TMEM108: variants seen among roughly 807,000 people sequenced by gnomAD.
TMEM108 encodes the protein transmembrane protein 108.
Under a neutral mutation model 35.1 loss-of-function variants are expected in TMEM108, and 12 were observed. That is an observed-to-expected ratio of 0.34 (90% CI 0.22 to 0.55). The LOEUF (loss-of-function observed/expected upper bound fraction) is 0.55, where lower values mean the gene tolerates loss of function less well. TMEM108 is among the 20% of genes least tolerant of loss of function. The pLI is 0.89. For synonymous variants in TMEM108, 287 were observed against 308.6 expected (o/e 0.93, Z 0.73); for missense variants, 680 against 753.3 (o/e 0.90, Z 1.14).
At chr3:133,249,385 G>A (rs1044200079) in intron 3 of TMEM108, among the ~76,000 whole-genome samples, 8 of 152,164 alleles carry the variant, frequency 5.3e-5, no homozygotes, top group Non-Finnish European at 1.0e-4. Context: ...AAGCTTTGAA[G>A]GGGTTGAGGG....
chr3:133,111,160 G>A (rs548240481), intron 2 of TMEM108, among the ~76,000 whole-genome samples: 8 of 152,252 alleles, frequency 5.3e-5, no homozygotes, highest in African/African-American at 1.9e-4. Flanking sequence ...ATTTTTGAAT[G>A]TAGTGTAAAA....
At chr3:133,084,122 TAA>T (rs5852728) in intron 2 of TMEM108, among the ~76,000 whole-genome samples, 38 of 149,748 alleles carry the variant, frequency 2.5e-4, no homozygotes, top group African/African-American at 8.6e-4. Flanking sequence ...TTTCTTGAAT[TAA>T]AAAAAAAAAC....
At chr3:133,300,802 A>G (rs1947211195) in intron 3 of TMEM108, among the ~76,000 whole-genome samples, 1 of 151,946 alleles carries the variant, frequency 6.6e-6, no homozygotes, top group African/African-American at 2.4e-5. Flanking sequence ...GGTGGGAGGT[A>G]TATGAACTCT....
intron 2 of TMEM108, among the ~76,000 whole-genome samples, chr3:133,166,010 A>G (rs543663054): frequency 6.6e-6 from 1 of 152,366 alleles, no homozygotes; most frequent in East Asian, 1.9e-4. Flanking sequence ...ATCAGGAGAA[A>G]GTTACTGAAA....
intron 3 of TMEM108, among the ~76,000 whole-genome samples, chr3:133,290,091 C>T (rs532330076): frequency 6.6e-6 from 1 of 152,120 alleles, no homozygotes; most frequent in East Asian, 1.9e-4. Flanking sequence ...TAACAGTAAG[C>T]ATGCATCCTA....
intron 2 of TMEM108, among the ~76,000 whole-genome samples, chr3:133,118,332 GTCT>G (rs1339719422): frequency 6.6e-6 from 1 of 151,988 alleles, no homozygotes; most frequent in Non-Finnish European, 1.5e-5. Flanking sequence ...GATATTAATA[GTCT>G]TATCAGATTT....
chr3:133,313,973 G>T (rs902181686), intron 3 of TMEM108, among the ~76,000 whole-genome samples: 1 of 152,012 alleles, frequency 6.6e-6, no homozygotes, highest in Non-Finnish European at 1.5e-5. Flanking sequence ...CTACCAATTG[G>T]ATGACAGTTT....
intron 2 of TMEM108, among the ~76,000 whole-genome samples, chr3:133,059,206 A>T (rs1157750462): frequency 6.6e-6 from 1 of 152,162 alleles, no homozygotes; most frequent in Non-Finnish European, 1.5e-5. Flanking sequence ...ATGCTTCACA[A>T]TGGGGGTTAG....
intron 5 of TMEM108, among the ~76,000 whole-genome samples, chr3:133,393,586 G>A (rs1405487055): frequency 6.6e-6 from 1 of 152,206 alleles, no homozygotes; most frequent in Non-Finnish European, 1.5e-5. Flanking sequence ...GGACAAACGA[G>A]GGGCCAGCTT....
intron 2 of TMEM108, among the ~76,000 whole-genome samples, chr3:133,058,603 A>C (rs1050608228): frequency 1.3e-5 from 2 of 152,204 alleles, no homozygotes; most frequent in African/African-American, 4.8e-5. Flanking sequence ...GTGGGAACGC[A>C]CTTGAGGGGT....
intron 2 of TMEM108, among the ~76,000 whole-genome samples, chr3:133,060,006 A>G (rs1273591519): frequency 6.6e-6 from 1 of 152,214 alleles, no homozygotes; most frequent in Admixed American, 6.5e-5. Context: ...GCATTTAAGC[A>G]CATCGTAGAG....
At chr3:133,107,986 C>G (rs940718599) in intron 2 of TMEM108, among the ~76,000 whole-genome samples, 1 of 152,158 alleles carries the variant, frequency 6.6e-6, no homozygotes, top group Non-Finnish European at 1.5e-5. Flanking sequence ...AATCCCAGCA[C>G]TTTGGGAGGC....
chr3:133,325,015 GAC>G (rs1361654875), intron 3 of TMEM108, among the ~76,000 whole-genome samples: 1 of 152,024 alleles, frequency 6.6e-6, no homozygotes, highest in East Asian at 1.9e-4. Context: ...ATATGAAAAA[GAC>G]ACAAACACAT....
chr3:133,292,917 A>C (rs1947093186), intron 3 of TMEM108, among the ~76,000 whole-genome samples: 1 of 152,216 alleles, frequency 6.6e-6, no homozygotes, highest in African/African-American at 2.4e-5. Context: ...TCTAGGTCAT[A>C]GTTTCCCTAT....
chr3:133,040,771 A>G (rs1943266461), intron 1 of TMEM108, among the ~76,000 whole-genome samples: 2 of 152,218 alleles, frequency 1.3e-5, no homozygotes, highest in African/African-American at 2.4e-5. Context: ...GACCTATAGG[A>G]CAAGGTTTTA....
chr3:133,287,295 A>G (rs534198424), intron 3 of TMEM108, among the ~76,000 whole-genome samples: 6 of 152,358 alleles, frequency 3.9e-5, no homozygotes, highest in African/African-American at 1.4e-4. Flanking sequence ...AAGGTTGAGT[A>G]TATCTATGGG....
At chr3:133,348,124 G>C (rs1172538491) in intron 3 of TMEM108, among the ~76,000 whole-genome samples, 1 of 151,344 alleles carries the variant, frequency 6.6e-6, no homozygotes, top group Non-Finnish European at 1.5e-5. Flanking sequence ...TGAGGGGGGG[G>C]CCAGATTTGC....
At chr3:133,075,219 A>G (rs1171842285) in intron 2 of TMEM108, among the ~76,000 whole-genome samples, 1 of 152,170 alleles carries the variant, frequency 6.6e-6, no homozygotes, top group Non-Finnish European at 1.5e-5. Flanking sequence ...TTGCACATCA[A>G]CATTCCTCTG....
At chr3:133,367,653 A>G (rs2072539554) in intron 3 of TMEM108, among the ~76,000 whole-genome samples, 1 of 152,224 alleles carries the variant, frequency 6.6e-6, no homozygotes, top group South Asian at 2.1e-4. Flanking sequence ...AAGTGAGAAT[A>G]CCAAGCAGCT....
Sources: gnomAD v4.1 joint callset for allele counts (sites outside exome capture counted in the v4.1 genomes callset) on GRCh38, gnomAD v4.1.1 for gene constraint, MANE v1.5 for transcripts, NCBI Gene and HGNC (gene_info 2026-07-23, HGNC 2026-07-21) for gene names.